SAXO1: variants seen among roughly 807,000 people sequenced by gnomAD.
SAXO1 encodes the protein stabilizer of axonemal microtubules 1, also known as 4930500O09Rik.
A neutral mutation model predicts 17.5 loss-of-function variants in SAXO1; 21 were observed. The observed-to-expected ratio is 1.20, with a 90% CI of 0.85 to 1.72. The LOEUF is 1.72. Among genes scored for constraint, SAXO1 ranks in the 40% most tolerant of loss-of-function variants. The pLI is 0.00. For synonymous variants in SAXO1, 274 were observed against 216.5 expected, an observed-to-expected ratio of 1.27 and a Z score of -2.33; for missense variants, 843 against 596.0, an observed-to-expected ratio of 1.41 and a Z score of -4.32.
chr9:18,939,199 T>C (rs1831444715), intron 3 of SAXO1, among the ~76,000 whole-genome samples: 1 of 152,240 alleles, frequency 6.6e-6, no homozygotes, highest in African/African-American at 2.4e-5. Context: ...TTCATTCCTC[T>C]ATCCCACTAG....
At chr9:18,992,844 C>G (rs1265776795) in intron 1 of SAXO1, among the ~76,000 whole-genome samples, 1 of 152,126 alleles carries the variant, frequency 6.6e-6, no homozygotes, top group South Asian at 2.1e-4. Flanking sequence ...TCTCAGCTCA[C>G]CGCAACCTCC....
chr9:19,018,503 G>C (rs771407127), intron 1 of SAXO1, among the ~76,000 whole-genome samples: 4 of 152,172 alleles, frequency 2.6e-5, no homozygotes, highest in Non-Finnish European at 5.9e-5. Flanking sequence ...GCAATGGAAC[G>C]TGTTTCAAAA....
intron 1 of SAXO1, among the ~76,000 whole-genome samples, chr9:19,021,092 G>T (rs2131017670): frequency 6.6e-6 from 1 of 152,254 alleles, no homozygotes; most frequent in African/African-American, 2.4e-5. Context: ...TGTTCTATGT[G>T]ACCTCACCCC....
At chr9:18,933,839 G>C (rs1272926672) in intron 3 of SAXO1, among the ~76,000 whole-genome samples, 2 of 152,184 alleles carry the variant, frequency 1.3e-5, no homozygotes, top group South Asian at 4.1e-4. Context: ...GAGGTCAGGA[G>C]ATCAAGACCA....
chr9:18,936,241 T>C (rs1345823212), intron 3 of SAXO1, among the ~76,000 whole-genome samples: 5 of 152,228 alleles, frequency 3.3e-5, no homozygotes, highest in African/African-American at 1.2e-4. Flanking sequence ...ATTGGCTTCA[T>C]TTTAATTGAA....
At chr9:19,019,175 G>C (rs961932595) in intron 1 of SAXO1, among the ~76,000 whole-genome samples, 13 of 152,048 alleles carry the variant, frequency 8.5e-5, no homozygotes, top group Non-Finnish European at 5.9e-5. Context: ...ATGGATCTCA[G>C]CTTATTCTTC....
At chr9:19,009,824 G>A (rs1834649583) in intron 1 of SAXO1, among the ~76,000 whole-genome samples, 1 of 120,494 alleles carries the variant, frequency 8.3e-6, no homozygotes, top group Non-Finnish European at 1.8e-5. Flanking sequence ...TAAAGTTTTG[G>A]GGTTTTCTTT....
intron 1 of SAXO1, among the ~76,000 whole-genome samples, chr9:18,995,275 G>A (rs555142639): frequency 3.3e-5 from 5 of 152,184 alleles, no homozygotes; most frequent in South Asian, 4.2e-4. Context: ...CCTTTCTAGC[G>A]ATCAGTATCT....
At chr9:19,016,148 T>C (rs1366554443) in intron 1 of SAXO1, among the ~76,000 whole-genome samples, 1 of 152,138 alleles carries the variant, frequency 6.6e-6, no homozygotes, top group Non-Finnish European at 1.5e-5. Context: ...TATAAAAGCA[T>C]AACCCGGCCA....
intron 1 of SAXO1, among the ~76,000 whole-genome samples, chr9:18,958,117 G>T (rs981355162): frequency 6.6e-6 from 1 of 152,156 alleles, no homozygotes; most frequent in African/African-American, 2.4e-5. Flanking sequence ...CCAGTGAAAT[G>T]ATCAGGGATC....
intron 3 of SAXO1, among the ~76,000 whole-genome samples, chr9:18,934,038 C>T (rs1164925150): frequency 6.6e-6 from 1 of 151,366 alleles, no homozygotes; most frequent in Non-Finnish European, 1.5e-5. Context: ...CAGAGCGAGA[C>T]TCCGTCTCAA....
At chr9:18,970,651 C>T (rs1398663223) in intron 1 of SAXO1, among the ~76,000 whole-genome samples, 1 of 152,174 alleles carries the variant, frequency 6.6e-6, no homozygotes, top group East Asian at 1.9e-4. Context: ...GAACTGGTGA[C>T]AACTTGAGTG....
At chr9:19,011,980 G>A (rs1318204279) in intron 1 of SAXO1, among the ~76,000 whole-genome samples, 1 of 151,804 alleles carries the variant, frequency 6.6e-6, no homozygotes, top group Non-Finnish European at 1.5e-5. Context: ...CAAGTAGCTG[G>A]GACTACAGGC....
intron 3 of SAXO1, among the ~76,000 whole-genome samples, chr9:18,936,222 T>G (rs1255510297): frequency 6.6e-6 from 1 of 152,196 alleles, no homozygotes; most frequent in East Asian, 1.9e-4. Flanking sequence ...TACCAACTAT[T>G]TATCTAAAAT....
intron 1 of SAXO1, among the ~76,000 whole-genome samples, chr9:18,988,804 C>T (rs770706311): frequency 2.0e-5 from 3 of 151,994 alleles, no homozygotes; most frequent in Non-Finnish European, 1.5e-5. Context: ...GGAATAAAAC[C>T]CCTAATTAAA....
chr9:18,979,760 G>C (rs567708656), intron 1 of SAXO1, among the ~76,000 whole-genome samples: 1 of 152,200 alleles, frequency 6.6e-6, no homozygotes, highest in Non-Finnish European at 1.5e-5. Context: ...AGGATCACTT[G>C]AGCCTAGATG....
At chr9:18,979,971 G>A (rs1833305557) in intron 1 of SAXO1, among the ~76,000 whole-genome samples, 1 of 152,206 alleles carries the variant, frequency 6.6e-6, no homozygotes, top group Non-Finnish European at 1.5e-5. Flanking sequence ...GGGACTTAGT[G>A]ACAGACTGTA....
At chr9:18,945,347 C>T (rs909789246) in intron 2 of SAXO1, among the ~76,000 whole-genome samples, 1 of 152,196 alleles carries the variant, frequency 6.6e-6, no homozygotes, top group Admixed American at 6.5e-5. Context: ...TTTTTCAATA[C>T]TCTCTCCCTT....
chr9:18,994,380 T>C (rs1036223242), intron 1 of SAXO1, among the ~76,000 whole-genome samples: 5 of 152,240 alleles, frequency 3.3e-5, no homozygotes, highest in African/African-American at 1.2e-4. Flanking sequence ...TTGACAGCCA[T>C]GCACCAGTGC....
Sources: gnomAD v4.1 joint callset for allele counts (sites outside exome capture counted in the v4.1 genomes callset) on GRCh38, gnomAD v4.1.1 for gene constraint, MANE v1.5 for transcripts, NCBI Gene and HGNC (gene_info 2026-07-23, HGNC 2026-07-21) for gene names.